The following RALB variants were observed in gnomAD, a reference collection of about 807,000 sequenced individuals.
RALB encodes RAS like proto-oncogene B.
In RALB, 16 loss-of-function variants were observed where a neutral mutation model predicts 21.3. The ratio of observed to expected loss-of-function variants is 0.75; its 90% CI spans 0.51 to 1.14. The LOEUF is 1.14. Among genes scored for constraint, RALB ranks in the 50% most tolerant of loss-of-function variants. The pLI is 0.00. For synonymous variants in RALB, 93 were observed against 96.1 expected (o/e 0.97, Z 0.19); for missense variants, 161 against 256.2 (o/e 0.63, Z 2.54).
chr2:120,273,478 G>A, intron 1 of RALB, among the ~76,000 whole-genome samples: 1 of 152,154 alleles, frequency 6.6e-6, no homozygotes, highest in Non-Finnish European at 1.5e-5. Flanking sequence ...GAGCAGTAAG[G>A]GATTATAGGA....
intron 1 of RALB, among the ~76,000 whole-genome samples, chr2:120,276,877 A>G (rs1025025591): frequency 1.3e-5 from 2 of 152,220 alleles, no homozygotes; most frequent in Non-Finnish European, 2.9e-5. Flanking sequence ...TTCTAGGGTC[A>G]CGCAGCTCAC....
At chr2:120,258,897 C>T (rs1558947101) in intron 1 of RALB, among the ~76,000 whole-genome samples, 1 of 151,906 alleles carries the variant, frequency 6.6e-6, no homozygotes, top group Non-Finnish European at 1.5e-5. Context: ...CTTAAGGTGG[C>T]ACGTCTGGAG....
chr2:120,288,634 G>A (rs942060488), intron 3 of RALB, among the ~76,000 whole-genome samples: 3 of 151,846 alleles, frequency 2.0e-5, no homozygotes, highest in Admixed American at 6.6e-5. Context: ...ATGGAAATGG[G>A]GTATTTAATT....
intron 1 of RALB, among the ~76,000 whole-genome samples, chr2:120,262,321 G>A (rs1689385615): frequency 2.0e-5 from 3 of 152,262 alleles, no homozygotes; most frequent in South Asian, 2.1e-4. Context: ...TGGCATGGGA[G>A]GAGAAATAGC....
chr2:120,288,833 G>A (rs1690235937), intron 3 of RALB, among the ~76,000 whole-genome samples: 1 of 152,200 alleles, frequency 6.6e-6, no homozygotes, highest in Admixed American at 6.5e-5. Context: ...ATTGGAATGT[G>A]ATTACTGCCT....
intron 1 of RALB, among the ~76,000 whole-genome samples, chr2:120,272,620 A>G (rs982613066): frequency 1.3e-5 from 2 of 152,176 alleles, no homozygotes; most frequent in African/African-American, 2.4e-5. Flanking sequence ...TTTTTTTAAG[A>G]ACACATTTAT....
At chr2:120,293,086 T>G in intron 4 of RALB, 55 bp from the exon 5 acceptor site, 1 of 1,515,150 alleles carries the variant, frequency 6.6e-7, no homozygotes, top group Non-Finnish European at 8.8e-7. Context: ...AAGAAAAAAA[T>G]CATTAAATGG....
intron 2 of RALB, among the ~76,000 whole-genome samples, chr2:120,281,410 G>A (rs933943502): frequency 6.6e-6 from 1 of 152,178 alleles, no homozygotes; most frequent in African/African-American, 2.4e-5. Context: ...GGGTGAGATC[G>A]CTGGAGTACT....
intron 1 of RALB, among the ~76,000 whole-genome samples, chr2:120,277,902 T>C (rs1239566636): frequency 1.3e-5 from 2 of 150,252 alleles, no homozygotes; most frequent in African/African-American, 4.9e-5. Context: ...AGTGTGAGCG[T>C]GTGTGTGAAT....
At chr2:120,258,913 C>T (rs1689269653) in intron 1 of RALB, among the ~76,000 whole-genome samples, 1 of 151,936 alleles carries the variant, frequency 6.6e-6, no homozygotes, top group Admixed American at 6.6e-5. Flanking sequence ...TGGAGTCTGT[C>T]CCTTCTGATG....
chr2:120,293,540 A>G lies in RALB; in HGVS notation c.*280A>G. The G allele has an allele frequency of 5.0e-6, 1 of 201,074 alleles. No individual in the cohort carries two copies. Among genetic ancestry groups the G allele is most frequent in the Non-Finnish European group, 1.0e-5 (1 of 100,478 alleles). The allele number at this position is 201,074 out of a possible 1,614,324, so 12.5% of individuals were successfully genotyped here. A position where few individuals can be genotyped will look rare whatever the true frequency, so the allele number is the denominator to read the frequency against. ...CTATGTATAAAGTGCCACAGATAGG[A>G]AACAGCTGTTAATTACAAAGAGAAA... On this transcript the variant is annotated 3_prime_UTR_variant, in exon 5 of 5. Coordinates refer to ENST00000272519, the MANE Select transcript of RALB (RefSeq NM_002881.3).
At chr2:120,286,715 CT>C (rs1690167717) in intron 3 of RALB, among the ~76,000 whole-genome samples, 1 of 152,214 alleles carries the variant, frequency 6.6e-6, no homozygotes, top group African/African-American at 2.4e-5. Context: ...ATGTATTAGA[CT>C]GTGAATTTCA....
In RALB at chr2:120,252,929, T is replaced by G. The variant is rs940913463; in HGVS notation, c.-99T>G. ...GGCCCCGGGAGGGGGCGGGGCGCGT[T>G]TAAGAGCTGCGGGCCGGGTGCGGAC... On this transcript the variant is annotated 5_prime_UTR_variant, in exon 1 of 5. Transcript: ENST00000272519. 4 of 984,736 alleles carry G rather than the reference T, an allele frequency of 4.1e-6. No individual in the cohort carries two copies. The highest frequency in any genetic ancestry group is 3.6e-6 in the Non-Finnish European group (3 of 829,954). The allele number at this position is 984,736 out of a possible 1,614,324, so 61.0% of individuals were successfully genotyped here.
intron 1 of RALB, among the ~76,000 whole-genome samples, chr2:120,244,844 C>A (rs1169740860): frequency 6.6e-6 from 1 of 152,194 alleles, no homozygotes; most frequent in East Asian, 1.9e-4. Flanking sequence ...CCAGAGGCAA[C>A]CTTTAGACAC....
intron 2 of RALB, among the ~76,000 whole-genome samples, chr2:120,282,304 A>G (rs1283319317): frequency 1.3e-5 from 2 of 151,802 alleles, no homozygotes; most frequent in Non-Finnish European, 2.9e-5. Context: ...CATGGAGAAA[A>G]CCCATCTCTA....
intron 1 of RALB, among the ~76,000 whole-genome samples, chr2:120,274,626 T>G (rs752230950): frequency 1.1e-4 from 17 of 152,194 alleles, no homozygotes; most frequent in Non-Finnish European, 2.2e-4. Context: ...ATAGATAAAA[T>G]TCTGGTATAC....
Position 120,242,836 on chromosome 2 carries a change from G to A in RALB, c.19+2711G>A, listed in dbSNP as rs566558671. Among the ~76,000 whole-genome samples the A allele has an allele frequency of 2.0e-5, 3 of 152,336 alleles. No homozygotes were observed. In the South Asian group the frequency reaches 6.2e-4, roughly 32 times the overall value. On this transcript the variant is annotated intron_variant, in intron 1 of 3. Coordinates refer to the RALB transcript ENST00000447591. ...CATGCCTATAATCCCAGCACTTTGG[G>A]AGGCCGAGGTGGGAGGATCACTTGA...
chr2:120,286,831 G>A (rs150033405), intron 3 of RALB, among the ~76,000 whole-genome samples: 1,703 of 152,150 alleles, frequency 0.011, 33 homozygotes, highest in African/African-American at 0.039. Flanking sequence ...TTAAAATATG[G>A]CAACTATTCT....
intron 1 of RALB, among the ~76,000 whole-genome samples, chr2:120,254,448 G>A (rs552132905): frequency 3.6e-4 from 55 of 152,260 alleles, no homozygotes; most frequent in African/African-American, 1.3e-3. Context: ...CCCTCTGCCC[G>A]AGGAATAGAA....
Sources: gnomAD v4.1 joint callset for allele counts (sites outside exome capture counted in the v4.1 genomes callset) on GRCh38, gnomAD v4.1.1 for gene constraint, MANE v1.5 for transcripts, NCBI Gene and HGNC (gene_info 2026-07-23, HGNC 2026-07-21) for gene names.